Variants in CLDN14 observed in about 807,000 individuals in gnomAD.
CLDN14 encodes claudin-14.
CLDN14 carries 2 observed loss-of-function variants against 2.1 expected under a neutral mutation model. That is an observed-to-expected ratio of 0.96 (90% CI 0.39 to 3.01). The LOEUF (loss-of-function observed/expected upper bound fraction) is 3.01. Among genes scored for constraint, CLDN14 ranks in the 30% most tolerant of loss-of-function variants. CLDN14 has a pLI of 0.09. For missense variants in CLDN14, 298 were observed against 328.0 expected, an observed-to-expected ratio of 0.91 and a Z score of 0.71; for synonymous variants, 136 against 154.4, an observed-to-expected ratio of 0.88 and a Z score of 0.88.
chr21:36,569,042 T>G (rs938548352), intron 1 of CLDN14, among the ~76,000 whole-genome samples: 11 of 152,240 alleles, frequency 7.2e-5, no homozygotes, highest in African/African-American at 2.7e-4. Context: ...ACAAATAATA[T>G]GGCATTTACA....
intron 1 of CLDN14, among the ~76,000 whole-genome samples, chr21:36,475,627 T>C (rs2086768475): frequency 6.6e-6 from 1 of 152,184 alleles, no homozygotes; most frequent in African/African-American, 2.4e-5. Flanking sequence ...CACGGCTCCC[T>C]GCGGCCTTGA....
chr21:36,551,341 T>C lies in CLDN14; in HGVS notation c.-220+25070A>G, dbSNP rs1478020028. Among the ~76,000 whole-genome samples the C allele has an allele frequency of 3.3e-5, 5 of 152,226 alleles. No homozygotes were observed. Among genetic ancestry groups the C allele is most frequent in the Non-Finnish European group, 7.3e-5 (5 of 68,036 alleles). ...CACTGTTCCCTGCGGACAGGATTTA[T>C]TCCTGGAGCCTCTGCCTCCCGTAAG... On this transcript the variant is annotated intron_variant, in intron 1 of 2. Transcript: ENST00000342108. This position sits in a 1 kb window ranked among gnomAD's most constrained non-coding sequence, Gnocchi z 4.8.
intron 1 of CLDN14, among the ~76,000 whole-genome samples, chr21:36,516,310 C>G (rs1449041510): frequency 6.6e-6 from 1 of 152,152 alleles, no homozygotes; most frequent in African/African-American, 2.4e-5. Flanking sequence ...GGATAAACAG[C>G]TTGAGACATG....
intron 1 of CLDN14, among the ~76,000 whole-genome samples, chr21:36,570,648 AAAAC>A (rs1568884777): frequency 6.6e-6 from 1 of 152,370 alleles, no homozygotes; most frequent in South Asian, 2.1e-4. Flanking sequence ...ATAATAAATT[AAAAC>A]AAACAATAGA....
rs1031033828 is a variant in CLDN14 at position 36,461,293 on chromosome 21, C to A, written c.403G>T (p.Ala135Ser). 4 of 1,613,738 alleles carry A rather than the reference C, an allele frequency of 2.5e-6. No homozygotes were observed. Among genetic ancestry groups the A allele is most frequent in the Non-Finnish European group, 2.5e-6 (3 of 1,180,016 alleles). Residue 135 changes from alanine (A) to serine (S), a missense_variant, in exon 2 of 2, where the codon GCC becomes TCC. Transcript: ENST00000399135. ...FILAGLLCMV[A>S]VSWTTNDVVQ... ...ACGTCGTTGGTGGTCCAGGAGACGG[C>A]CACCATGCACAGGAGGCCGGCCAGG...
intron 1 of CLDN14, among the ~76,000 whole-genome samples, chr21:36,536,891 C>G (rs957632046): frequency 5.3e-5 from 8 of 152,140 alleles, no homozygotes; most frequent in African/African-American, 1.9e-4. Flanking sequence ...AGTAACATTG[C>G]TCAACTAAAA....
intron 1 of CLDN14, among the ~76,000 whole-genome samples, chr21:36,477,880 G>C (rs1027927433): frequency 6.6e-6 from 1 of 152,188 alleles, no homozygotes; most frequent in Non-Finnish European, 1.5e-5. Flanking sequence ...CAAATGGTGC[G>C]AGTGAAGAAT....
At chr21:36,547,598 C>T (rs10483034) in intron 1 of CLDN14, among the ~76,000 whole-genome samples, 1 of 152,044 alleles carries the variant, frequency 6.6e-6, no homozygotes, top group South Asian at 2.1e-4. Flanking sequence ...ATCAATTGTT[C>T]GAGAGCGAAG....
At chr21:36,504,090 G>A (rs1249294641) in intron 2 of CLDN14, among the ~76,000 whole-genome samples, 1 of 150,242 alleles carries the variant, frequency 6.7e-6, no homozygotes, top group Non-Finnish European at 1.5e-5. Context: ...TGTAATACCA[G>A]CACTTTGGGA....
At chr21:36,511,747 A>G (rs1340984945) in intron 1 of CLDN14, among the ~76,000 whole-genome samples, 1 of 152,126 alleles carries the variant, frequency 6.6e-6, no homozygotes, top group Non-Finnish European at 1.5e-5. Flanking sequence ...CTAAGATGAT[A>G]TTCACTGATG....
chr21:36,571,656 C>CTGAAAA (rs2059406196), intron 1 of CLDN14, among the ~76,000 whole-genome samples: 1 of 152,116 alleles, frequency 6.6e-6, no homozygotes, highest in African/African-American at 2.4e-5. Flanking sequence ...CACCCATAAA[C>CTGAAAA]TGAAAAGATG....
Position 36,498,525 on chromosome 21 carries a change from C to G in CLDN14, c.-82+11838G>C, listed in dbSNP as rs756367620. On this transcript the variant is annotated intron_variant, in intron 2 of 2. Coordinates refer to the CLDN14 transcript ENST00000342108. The surrounding 1 kb of genome is among the most constrained non-coding windows in gnomAD (Gnocchi z 4.9). ...GAATAAAATAGGAGATTTCCAGTCT[C>G]AGATTGGATACATGCACTTAATATC... Among the ~76,000 whole-genome samples the G allele has an allele frequency of 1.8e-4, 28 of 152,184 alleles. No homozygotes were observed. The highest frequency in any genetic ancestry group is 3.5e-4 in the Non-Finnish European group (24 of 68,028).
intron 1 of CLDN14, among the ~76,000 whole-genome samples, chr21:36,540,250 G>A (rs886401601): frequency 1.3e-5 from 2 of 152,030 alleles, no homozygotes; most frequent in Non-Finnish European, 2.9e-5. Context: ...TTTGCATGTG[G>A]CCAATGTACG....
chr21:36,462,895 G>A (rs2086596520), intron 1 of CLDN14, among the ~76,000 whole-genome samples: 1 of 151,318 alleles, frequency 6.6e-6, no homozygotes, highest in African/African-American at 2.4e-5. Flanking sequence ...TTCATCCTGG[G>A]CGACAGAGTA....
At chr21:36,477,584 C>G (rs1460211116) in intron 1 of CLDN14, 1 of 152,230 alleles carries the variant, frequency 6.6e-6, no homozygotes, top group Non-Finnish European at 1.5e-5. Flanking sequence ...ACAGCTGCCT[C>G]TGGGTGGCTC....
At chr21:36,472,958 T>C (rs1022081098) in intron 1 of CLDN14, among the ~76,000 whole-genome samples, 1 of 152,182 alleles carries the variant, frequency 6.6e-6, no homozygotes, top group East Asian at 1.9e-4. Flanking sequence ...AAATGTTTAG[T>C]CCATAACATG....
At chr21:36,488,220 C>CCCTACCTTCCTTCCTTCCTT (rs2086917732) in intron 2 of CLDN14, among the ~76,000 whole-genome samples, 1 of 97,238 alleles carries the variant, frequency 1.0e-5, no homozygotes, top group Non-Finnish European at 2.1e-5. Context: ...ACTGTGATTC[C>CCCTACCTTCCTTCCTTCCTT]CCTTCCTTCC....
At chr21:36,496,527 C>T (rs1322190099) in intron 2 of CLDN14, among the ~76,000 whole-genome samples, 2 of 150,068 alleles carry the variant, frequency 1.3e-5, no homozygotes, top group Non-Finnish European at 3.0e-5. Flanking sequence ...ACGAATCCCT[C>T]CAAATTTAGA....
chr21:36,469,126 A>G (rs758478730), intron 1 of CLDN14, among the ~76,000 whole-genome samples: 11 of 152,198 alleles, frequency 7.2e-5, no homozygotes. Context: ...ACAAACGCAT[A>G]TCTTTTCAAG....
Sources: allele counts gnomAD v4.1 joint callset (sites outside exome capture counted in the v4.1 genomes callset), GRCh38; gene constraint gnomAD v4.1.1; non-coding constraint Gnocchi (gnomAD v3.1); transcripts MANE v1.5; gene names NCBI Gene and HGNC (gene_info 2026-07-23, HGNC 2026-07-21).